Variants in CCDC178 observed in about 807,000 individuals in gnomAD.
CCDC178 encodes the protein coiled-coil domain-containing protein 178.
Under a neutral mutation model 117.4 loss-of-function variants are expected in CCDC178, and 126 were observed. The observed-to-expected ratio is 1.07, with a 90% CI of 0.93 to 1.24. The LOEUF (loss-of-function observed/expected upper bound fraction) is 1.24. Ranked by LOEUF, CCDC178 falls within the 50% of genes most tolerant of loss-of-function variation. The pLI, the probability that CCDC178 is intolerant of heterozygous loss-of-function variation, is 0.00. For missense variants in CCDC178, 1,030 were observed against 986.9 expected, an observed-to-expected ratio of 1.04 and a Z score of -0.59; for synonymous variants, 283 against 313.4, an observed-to-expected ratio of 0.90 and a Z score of 1.02.
At chr18:33,375,596 A>G (rs1204224728) in intron 5 of CCDC178, among the ~76,000 whole-genome samples, 1 of 152,184 alleles carries the variant, frequency 6.6e-6, no homozygotes, top group Non-Finnish European at 1.5e-5. Context: ...TACATTCACA[A>G]CAGTAAATTA....
At chr18:32,960,428 C>T (rs550716072) in intron 22 of CCDC178, among the ~76,000 whole-genome samples, 1 of 152,132 alleles carries the variant, frequency 6.6e-6, no homozygotes, top group South Asian at 2.1e-4. Flanking sequence ...CTTAAACACA[C>T]TCAAAGGGAG....
At chr18:33,285,548 T>C (rs2060088411) in intron 12 of CCDC178, among the ~76,000 whole-genome samples, 1 of 152,156 alleles carries the variant, frequency 6.6e-6, no homozygotes, top group Non-Finnish European at 1.5e-5. Flanking sequence ...ACAGACTCAC[T>C]TATGAATATG....
intron 15 of CCDC178, among the ~76,000 whole-genome samples, chr18:33,242,622 A>AG (rs2059501055): frequency 6.6e-6 from 1 of 151,442 alleles, no homozygotes; most frequent in Non-Finnish European, 1.5e-5. Flanking sequence ...TTTTCAAAAA[A>AG]AAATCATACA....
At chr18:33,041,012 G>A (rs2144892507) in intron 21 of CCDC178, among the ~76,000 whole-genome samples, 1 of 152,024 alleles carries the variant, frequency 6.6e-6, no homozygotes, top group East Asian at 1.9e-4. Context: ...AATTCCAAGA[G>A]CAAGAGAAAG....
intron 20 of CCDC178, among the ~76,000 whole-genome samples, chr18:33,134,588 T>C (rs1173384725): frequency 6.6e-6 from 1 of 152,062 alleles, no homozygotes; most frequent in Admixed American, 6.6e-5. Context: ...TTTAAGAAAA[T>C]GGCCACTGCT....
intron 11 of CCDC178, among the ~76,000 whole-genome samples, chr18:33,319,901 ATTTG>A (rs2062479535): frequency 6.6e-6 from 1 of 152,128 alleles, no homozygotes; most frequent in Non-Finnish European, 1.5e-5. Context: ...TTTCTTATAA[ATTTG>A]TTTGAGTTCT....
At chr18:33,133,523 C>G (rs2058089992) in intron 20 of CCDC178, among the ~76,000 whole-genome samples, 1 of 151,872 alleles carries the variant, frequency 6.6e-6, no homozygotes, top group South Asian at 2.1e-4. Flanking sequence ...GAAACTGTCA[C>G]TAAATCTTTC....
intron 2 of CCDC178, among the ~76,000 whole-genome samples, chr18:33,420,378 C>T (rs949506642): frequency 1.3e-5 from 2 of 151,936 alleles, no homozygotes; most frequent in East Asian, 1.9e-4. Context: ...TTTTTTTACA[C>T]CAAGTCTCAC....
At position 33,333,244 on chromosome 18, in the gene CCDC178, C is replaced by A. The variant is rs765810777; in HGVS notation, c.809G>T (p.Gly270Val). ...ATTCTGCTTAGAGTCCAGTAGAGGG[C>A]CATGTTCATTCATGTAGTCTATGTC... ...QADIDYMNEH[G>V]PLLDSKQNQE... Residue 270 changes from glycine (G) to valine (V), a missense_variant, in exon 10 of 23, where the codon GGC (glycine) becomes GTC (valine). Physicochemically the swap from Gly to Val is moderately radical, Grantham distance 109. Transcript: ENST00000383096. 2 of 1,612,882 alleles carry A rather than the reference C, an allele frequency of 1.2e-6. No homozygotes were observed. Among genetic ancestry groups the A allele is most frequent in the Admixed American group, 3.3e-5 (2 of 59,970 alleles).
chr18:33,390,131 A>G (rs2063546943), intron 4 of CCDC178, among the ~76,000 whole-genome samples: 1 of 151,002 alleles, frequency 6.6e-6, no homozygotes, highest in Admixed American at 6.6e-5. Flanking sequence ...AATAAATAAG[A>G]TATGTAGGAT....
intron 20 of CCDC178, among the ~76,000 whole-genome samples, chr18:33,183,728 A>C (rs2058757697): frequency 6.6e-6 from 1 of 151,982 alleles, no homozygotes; most frequent in Admixed American, 6.6e-5. Context: ...CTCCCCCCAC[A>C]CAGAAGCCAA....
At chr18:33,153,984 T>C (rs1211842602) in intron 20 of CCDC178, among the ~76,000 whole-genome samples, 4 of 152,108 alleles carry the variant, frequency 2.6e-5, no homozygotes, top group Non-Finnish European at 4.4e-5. Context: ...AGACGTAATA[T>C]TGGTTTACTA....
chr18:32,966,705 T>A (rs1182015458), intron 22 of CCDC178, among the ~76,000 whole-genome samples: 1 of 151,832 alleles, frequency 6.6e-6, no homozygotes, highest in Non-Finnish European at 1.5e-5. Context: ...TTGTTCGGAT[T>A]TTGAGTATGA....
At chr18:33,333,587 C>T (rs1269280403) in intron 9 of CCDC178, among the ~76,000 whole-genome samples, 193 bp from the exon 10 acceptor site, 2 of 133,968 alleles carry the variant, frequency 1.5e-5, no homozygotes, top group African/African-American at 5.8e-5. Context: ...ACGATCTTGG[C>T]TTACTGCAAC....
chr18:32,938,201 G>A lies in CCDC178; in HGVS notation c.2524-110C>T, dbSNP rs768500588. ...AAAACTTATCAACAATAAAAATAAC[G>A]ACAAACACCATTACATTCTCCTTTA... is the stretch of plus-strand genomic sequence containing the variant. On this transcript the variant is annotated intron_variant, in intron 22 of 22. Transcript: ENST00000383096. 6.3e-5 allele frequency: 46 copies of A among 725,814 alleles called. No homozygotes were observed. The African/African-American group carries it at 7.1e-4, about 11-fold the overall frequency. 45.0% of individuals were successfully genotyped at this position (725,814 alleles called of 1,614,324 possible). A position where few individuals can be genotyped will look rare whatever the true frequency, so the allele number is the denominator to read the frequency against.
chr18:33,360,312 A>T (rs901735014), intron 6 of CCDC178, among the ~76,000 whole-genome samples: 6 of 151,024 alleles, frequency 4.0e-5, no homozygotes, highest in Admixed American at 2.0e-4. Flanking sequence ...GCATGTTCAT[A>T]GTAGCCCTCT....
intron 21 of CCDC178, among the ~76,000 whole-genome samples, chr18:33,080,980 T>C (rs765043523): frequency 6.6e-6 from 1 of 151,926 alleles, no homozygotes; most frequent in Non-Finnish European, 1.5e-5. Flanking sequence ...AGATAGCCCA[T>C]AAAAGGAAAA....
rs373728502 is a variant in CCDC178 at position 33,112,171 on chromosome 18, T to A, written c.2239-19261A>T. Among the ~76,000 whole-genome samples the A allele has an allele frequency of 1.2e-4, 18 of 151,734 alleles. No individual in the cohort carries two copies. The East Asian group carries it at 3.3e-3, about 28-fold the overall frequency. On this transcript the variant is annotated intron_variant, in intron 20 of 22. Coordinates refer to ENST00000383096, the MANE Select transcript of CCDC178 (RefSeq NM_001105528.4). ...CTTTCTTATTTTCAATAAGAAAAAATCATAGTTTTTTATATAGTTTTATTC... is the reference window on the plus strand; with the variant it reads ...CTTTCTTATTTTCAATAAGAAAAAAACATAGTTTTTTATATAGTTTTATTC...
At chr18:33,096,337 ATTTTTATATTTT>A (rs2057543575) in intron 20 of CCDC178, among the ~76,000 whole-genome samples, 31 of 108,700 alleles carry the variant, frequency 2.9e-4, no homozygotes, top group African/African-American at 9.8e-4. Flanking sequence ...AAAATATAAA[ATTTTTATATTTT>A]ATATAAAAAT....
Sources: gnomAD v4.1 joint callset for allele counts (sites outside exome capture counted in the v4.1 genomes callset) on GRCh38, gnomAD v4.1.1 for gene constraint, MANE v1.5 for transcripts, NCBI Gene and HGNC (gene_info 2026-07-23, HGNC 2026-07-21) for gene names.